Variants in FLVCR2 observed in about 807,000 individuals in gnomAD.
FLVCR2 encodes the protein FLVCR choline and putative heme transporter 2, also known as choline/ethanolamine transporter FLVCR2.
FLVCR2 carries 38 observed loss-of-function variants against 48.9 expected under a neutral mutation model. The observed-to-expected ratio is 0.78, with a 90% CI of 0.60 to 1.02. FLVCR2 has a LOEUF of 1.02. FLVCR2 is among the 50% of genes least tolerant of loss of function. FLVCR2 has a pLI of 0.00. For missense variants in FLVCR2, 664 were observed against 663.3 expected (o/e 1.00, Z -0.01); for synonymous variants, 255 against 257.0 (o/e 0.99, Z 0.07).
intron 1 of FLVCR2, among the ~76,000 whole-genome samples, chr14:75,591,754 C>G (rs1056445375): frequency 6.6e-6 from 1 of 151,888 alleles, no homozygotes; most frequent in African/African-American, 2.4e-5. Flanking sequence ...GGTGGCTCCC[C>G]CACATGGCAG....
chr14:75,597,764 T>C (rs1889061315), intron 1 of FLVCR2, among the ~76,000 whole-genome samples: 2 of 152,036 alleles, frequency 1.3e-5, no homozygotes, highest in Admixed American at 6.6e-5. Flanking sequence ...GAGATAGGGT[T>C]TCACCATGTC....
At chr14:75,644,071 T>C (rs1323168353) in intron 9 of FLVCR2, among the ~76,000 whole-genome samples, 2 of 151,960 alleles carry the variant, frequency 1.3e-5, no homozygotes, top group African/African-American at 4.8e-5. Context: ...AGAAATGATT[T>C]GGTACACTTG....
chr14:75,639,436 A>AG lies in FLVCR2; in HGVS notation c.1210dup (p.Val404GlyfsTer21), dbSNP rs1890253000. ...CCTTGAACCTGGGACACCTGTGGGT[A>AG]GTGTTCATCACTGCTGGCACAATGG... On this transcript the variant is annotated frameshift_variant, in exon 6 of 10. Coordinates refer to ENST00000238667, the MANE Select transcript of FLVCR2 (RefSeq NM_017791.3). LOFTEE classifies it high-confidence loss of function. 1.2e-6 allele frequency: 2 copies of AG among 1,613,076 alleles called. No individual in the cohort carries two copies. Among genetic ancestry groups the AG allele is most frequent in the South Asian group, 1.1e-5 (1 of 91,078 alleles).
At position 75,647,328 on chromosome 14, in the gene FLVCR2, T is replaced by TTGGGA. The variant is rs1217526359; in HGVS notation, c.*857_*861dup. ...CTGATGCCTTTATCTTGATGTTGCA[T>TTGGGA]TGGGAATCTCAGCCATCAGCCCAAG... On this transcript the variant is annotated 3_prime_UTR_variant, in exon 10 of 10. Coordinates refer to ENST00000238667, the MANE Select transcript of FLVCR2 (RefSeq NM_017791.3). The TTGGGA allele has an allele frequency of 1.3e-5, 2 of 152,220 alleles. No individual in the cohort carries two copies. The highest frequency in any genetic ancestry group is 4.8e-5 in the African/African-American group (2 of 41,446). 9.4% of individuals were successfully genotyped at this position (152,220 alleles called of 1,614,324 possible). A position where few individuals can be genotyped will look rare whatever the true frequency, so the allele number is the denominator to read the frequency against.
In FLVCR2 at chr14:75,578,758, CG is replaced by C. The variant is rs1191055932; in HGVS notation, c.-212del. On this transcript the variant is annotated 5_prime_UTR_variant, in exon 1 of 10. Transcript: ENST00000238667. ...GCCGGCCTTGGGACAGCGATCGCCG[CG>C]GGTGGCAACAGAGAGCCCCAAGCAA... 9 of 606,102 alleles carry C rather than the reference CG, an allele frequency of 1.5e-5. No individual in the cohort carries two copies. The highest frequency in any genetic ancestry group is 2.3e-5 in the Non-Finnish European group (8 of 343,002). 37.5% of individuals were successfully genotyped at this position (606,102 alleles called of 1,614,324 possible). A position where few individuals can be genotyped will look rare whatever the true frequency, so the allele number is the denominator to read the frequency against.
In FLVCR2 at chr14:75,591,947, G is replaced by A. The variant is rs147753028; in HGVS notation, c.669+12306G>A. 2.8e-4 allele frequency among the ~76,000 whole-genome samples: 43 copies of A among 151,438 alleles called. No homozygotes were observed. In the East Asian group the frequency reaches 3.9e-3, roughly 14 times the overall value. On this transcript the variant is annotated intron_variant, in intron 1 of 9. Coordinates refer to ENST00000238667, the MANE Select transcript of FLVCR2 (RefSeq NM_017791.3). The stretch of plus-strand genomic sequence containing the variant: ...CCAGCCTCAGCCTCCCAAGTAGCTG[G>A]GACTACAGGCATGCACCACTGCACC...
chr14:75,590,287 G>A (rs185403979), intron 1 of FLVCR2, among the ~76,000 whole-genome samples: 3 of 152,270 alleles, frequency 2.0e-5, no homozygotes, highest in African/African-American at 7.2e-5. Flanking sequence ...ATCTGCCCAC[G>A]TGACCCAAAC....
intron 9 of FLVCR2, among the ~76,000 whole-genome samples, 158 bp from the exon 10 acceptor site, chr14:75,646,243 T>C (rs1228985021): frequency 6.6e-6 from 1 of 152,048 alleles, no homozygotes; most frequent in East Asian, 1.9e-4. Flanking sequence ...CAGGGGCTGG[T>C]TGCTTCTTTT....
At chr14:75,628,651 T>G (rs1437274890) in intron 3 of FLVCR2, among the ~76,000 whole-genome samples, 1 of 152,176 alleles carries the variant, frequency 6.6e-6, no homozygotes, top group Non-Finnish European at 1.5e-5. Context: ...GAGCCTTGAG[T>G]GCTGGACTCG....
intron 3 of FLVCR2, among the ~76,000 whole-genome samples, chr14:75,631,528 C>A (rs1178790761): frequency 6.6e-6 from 1 of 152,148 alleles, no homozygotes; most frequent in Non-Finnish European, 1.5e-5. Context: ...ATTTTTTTTG[C>A]TCCCAGTCCT....
chr14:75,584,871 G>C (rs908379115), intron 1 of FLVCR2, among the ~76,000 whole-genome samples: 1 of 152,208 alleles, frequency 6.6e-6, no homozygotes, highest in Non-Finnish European at 1.5e-5. Flanking sequence ...CCTAAATGCT[G>C]GCTGATTTGG....
rs747816671 is a variant in FLVCR2 at position 75,633,705 on chromosome 14, G to T, written c.1020+9G>T. The T allele has an allele frequency of 2.7e-5, 44 of 1,608,794 alleles. No homozygotes were observed. In the South Asian group the frequency reaches 3.7e-4, roughly 14 times the overall value. On this transcript the variant is annotated intron_variant, in intron 4 of 9. Transcript: ENST00000238667. The stretch of plus-strand genomic sequence containing the variant: ...TGATCTGGCACTACCCGGTAAGGGA[G>T]TTCCCTAAGCATGTTGGGCCTCAAG...
chr14:75,612,533 C>T (rs1321889613), intron 1 of FLVCR2, among the ~76,000 whole-genome samples: 3 of 152,196 alleles, frequency 2.0e-5, no homozygotes, highest in African/African-American at 7.2e-5. Flanking sequence ...TCTTTGAAGG[C>T]CTGCTACCTC....
intron 1 of FLVCR2, among the ~76,000 whole-genome samples, chr14:75,596,381 C>T (rs546699344): frequency 3.3e-4 from 50 of 152,216 alleles, no homozygotes; most frequent in African/African-American, 1.2e-3. Context: ...TTATGGGGGC[C>T]AGCCAGTCCA....
rs145901629 is a variant in FLVCR2, at chr14:75,624,703, C to T, written c.903C>T (p.Ile301=). Residue 301 remains isoleucine, a synonymous_variant, in exon 3 of 10, where the codon ATC becomes ATT. Coordinates refer to ENST00000238667, the MANE Select transcript of FLVCR2 (RefSeq NM_017791.3). Reference sequence around the variant, plus strand: ...CTGATGCCTCATACTTAGGTTCCATCGCCCGGCTCTTCAAAAATCTCAACT... The same window carrying T: ...CTGATGCCTCATACTTAGGTTCCATTGCCCGGCTCTTCAAAAATCTCAACT... ...TSPDASYLGS[I]ARLFKNLNFV... 1.7e-4 allele frequency: 275 copies of T among 1,614,154 alleles called. No homozygotes were observed. In the African/African-American group the frequency reaches 3.0e-3, roughly 18 times the overall value.
At chr14:75,616,583 G>A (rs1272496731) in intron 1 of FLVCR2, among the ~76,000 whole-genome samples, 1 of 152,168 alleles carries the variant, frequency 6.6e-6, no homozygotes, top group Non-Finnish European at 1.5e-5. Context: ...TGAGAGCTCT[G>A]AAATCTAAGG....
intron 3 of FLVCR2, among the ~76,000 whole-genome samples, chr14:75,628,361 C>T (rs934438620): frequency 6.6e-6 from 1 of 152,090 alleles, no homozygotes; most frequent in Non-Finnish European, 1.5e-5. Flanking sequence ...GTGATCTGCC[C>T]GCCTTGGCCT....
intron 2 of FLVCR2, 42 bp from the exon 3 acceptor site, chr14:75,624,570 G>A: frequency 6.2e-7 from 1 of 1,613,590 alleles, no homozygotes; most frequent in Non-Finnish European, 8.5e-7. Context: ...TCTGGGGTGG[G>A]ACCATGGGAA....
chr14:75,632,948 T>A (rs1045820148), intron 3 of FLVCR2: 3 of 702,398 alleles, frequency 4.3e-6, no homozygotes, highest in African/African-American at 1.7e-5. Context: ...CCTTTTCTCC[T>A]TTGGGTCAGT....
Sources: gnomAD v4.1 joint callset for allele counts (sites outside exome capture counted in the v4.1 genomes callset) on GRCh38, gnomAD v4.1.1 for gene constraint, MANE v1.5 for transcripts, NCBI Gene and HGNC (gene_info 2026-07-23, HGNC 2026-07-21) for gene names.